NAALADL2: variants seen among roughly 807,000 people sequenced by gnomAD.
The protein encoded by NAALADL2 is inactive N-acetylated-alpha-linked acidic dipeptidase-like protein 2.
Under a neutral mutation model 87.2 loss-of-function variants are expected in NAALADL2, and 76 were observed. That is an observed-to-expected ratio of 0.87 (90% CI 0.72 to 1.05). The LOEUF is 1.05. Among genes scored for constraint, NAALADL2 ranks in the 50% least tolerant of loss-of-function variants. The pLI, the probability that NAALADL2 is intolerant of heterozygous loss-of-function variation, is 0.00. For missense variants in NAALADL2, 1,089 were observed against 945.8 expected, an observed-to-expected ratio of 1.15 and a Z score of -1.99; for synonymous variants, 354 against 331.0, an observed-to-expected ratio of 1.07 and a Z score of -0.75.
chr3:175,253,460 C>T (rs1399952119), intron 3 of NAALADL2, among the ~76,000 whole-genome samples: 1 of 152,160 alleles, frequency 6.6e-6, no homozygotes, highest in Admixed American at 6.6e-5. Context: ...GTCAATGTAC[C>T]TGGTCACCCA....
At position 175,292,906 on chromosome 3, in the gene NAALADL2, A is replaced by G. The variant is rs549473595; in HGVS notation, c.940-31269A>G. The stretch of plus-strand genomic sequence containing the variant: ...CAAAAAATAAGCCGGGCTTGGTGGC[A>G]GGTGCCTGTAGTCCCAGCTACTCGG... On this transcript the variant is annotated intron_variant, in intron 4 of 13. Transcript: ENST00000454872. 2.5e-3 allele frequency among the ~76,000 whole-genome samples: 374 copies of G among 151,802 alleles called. 1 individual carries two copies. The highest frequency in any genetic ancestry group is 8.6e-3 in the African/African-American group (358 of 41,418).
At chr3:175,026,142 T>C (rs186811556) in intron 1 of NAALADL2, among the ~76,000 whole-genome samples, 1 of 152,218 alleles carries the variant, frequency 6.6e-6, no homozygotes, top group East Asian at 1.9e-4. Context: ...AATTATTAAG[T>C]TAACAATAGA....
chr3:174,582,381 A>G (rs556559927), intron 2 of NAALADL2, among the ~76,000 whole-genome samples: 2 of 152,326 alleles, frequency 1.3e-5, no homozygotes, highest in African/African-American at 4.8e-5. Flanking sequence ...CAAAATTTGC[A>G]CACTGTATTA....
chr3:174,492,377 A>G (rs1198135986), intron 1 of NAALADL2, among the ~76,000 whole-genome samples: 1 of 152,184 alleles, frequency 6.6e-6, no homozygotes, highest in Non-Finnish European at 1.5e-5. Context: ...TTCAATGAGA[A>G]TTTTTATAAA....
At chr3:175,794,903 G>A (rs780582717) in intron 13 of NAALADL2, among the ~76,000 whole-genome samples, 1 of 152,196 alleles carries the variant, frequency 6.6e-6, no homozygotes, top group Non-Finnish European at 1.5e-5. Context: ...CTCAGGACTG[G>A]GAAGTTCAAG....
At chr3:174,994,265 C>G (rs1464927385) in intron 1 of NAALADL2, among the ~76,000 whole-genome samples, 3 of 152,090 alleles carry the variant, frequency 2.0e-5, no homozygotes, top group African/African-American at 4.8e-5. Flanking sequence ...AGACTTGATT[C>G]CAATCATGTA....
chr3:175,271,764 C>T (rs868249894), intron 4 of NAALADL2, among the ~76,000 whole-genome samples: 5 of 152,316 alleles, frequency 3.3e-5, no homozygotes, highest in Middle Eastern at 3.4e-3. Flanking sequence ...CACTGCACTC[C>T]TGCCTGGGTG....
intron 3 of NAALADL2, among the ~76,000 whole-genome samples, chr3:174,844,853 T>G (rs1724422141): frequency 7.2e-6 from 1 of 139,354 alleles, no homozygotes; most frequent in Non-Finnish European, 1.5e-5. Flanking sequence ...TTTTTTTTTT[T>G]TTTTTTTTTG....
intron 13 of NAALADL2, among the ~76,000 whole-genome samples, chr3:175,765,782 T>C (rs1251386324): frequency 1.3e-5 from 2 of 152,138 alleles, no homozygotes; most frequent in Non-Finnish European, 2.9e-5. Flanking sequence ...ATGATTTATG[T>C]ATGCCAGGCA....
At chr3:175,174,109 A>G (rs1286712503) in intron 2 of NAALADL2, among the ~76,000 whole-genome samples, 1 of 152,228 alleles carries the variant, frequency 6.6e-6, no homozygotes, top group Non-Finnish European at 1.5e-5. Flanking sequence ...ACACACTCCT[A>G]AATCTCACAA....
chr3:174,986,027 G>A (rs1329028831), intron 1 of NAALADL2, among the ~76,000 whole-genome samples: 2 of 151,894 alleles, frequency 1.3e-5, no homozygotes, highest in Admixed American at 6.6e-5. Context: ...AATTGGTGAC[G>A]ATGACATCTA....
intron 1 of NAALADL2, among the ~76,000 whole-genome samples, chr3:174,977,065 A>G (rs907431862): frequency 6.6e-6 from 1 of 152,142 alleles, no homozygotes; most frequent in Non-Finnish European, 1.5e-5. Context: ...AACCCAGTGG[A>G]TTCTAAGGCC....
intron 5 of NAALADL2, among the ~76,000 whole-genome samples, chr3:175,326,201 C>T (rs1428740255): frequency 1.3e-5 from 2 of 152,204 alleles, no homozygotes; most frequent in East Asian, 3.9e-4. Context: ...AAATTCGTTG[C>T]CACTTTGTAA....
At chr3:174,580,835 C>T (rs1212052510) in intron 2 of NAALADL2, among the ~76,000 whole-genome samples, 1 of 152,096 alleles carries the variant, frequency 6.6e-6, no homozygotes, top group Non-Finnish European at 1.5e-5. Flanking sequence ...TTCCATTTCT[C>T]TCAGGGAGAT....
chr3:175,602,783 A>G (rs1723150499), intron 10 of NAALADL2, among the ~76,000 whole-genome samples: 1 of 152,196 alleles, frequency 6.6e-6, no homozygotes. Context: ...CCAATTATGA[A>G]GAGCTTTAAA....
intron 3 of NAALADL2, among the ~76,000 whole-genome samples, chr3:174,819,815 G>A (rs988843013): frequency 3.3e-5 from 5 of 152,066 alleles, no homozygotes; most frequent in Non-Finnish European, 2.9e-5. Context: ...TAAAGCTTAC[G>A]CTTCAAGACT....
At chr3:175,463,802 T>TA (rs1553901989) in intron 7 of NAALADL2, among the ~76,000 whole-genome samples, 1 of 151,832 alleles carries the variant, frequency 6.6e-6, no homozygotes, top group Non-Finnish European at 1.5e-5. Context: ...TGGCATGTTC[T>TA]AAAAAAGCCA....
intron 10 of NAALADL2, among the ~76,000 whole-genome samples, chr3:175,608,153 AAATT>A (rs113751213): frequency 1.3e-5 from 2 of 150,588 alleles, no homozygotes; most frequent in African/African-American, 4.9e-5. Context: ...ACTAAGTGAG[AAATT>A]AATTAATTAA....
intron 1 of NAALADL2, among the ~76,000 whole-genome samples, chr3:174,999,880 G>A (rs1006991354): frequency 1.3e-4 from 20 of 151,848 alleles, no homozygotes; most frequent in African/African-American, 3.1e-4. Flanking sequence ...CTTTGCAGGC[G>A]GATACAACAA....
Sources: gnomAD v4.1 joint callset for allele counts (sites outside exome capture counted in the v4.1 genomes callset) on GRCh38, gnomAD v4.1.1 for gene constraint, MANE v1.5 for transcripts, NCBI Gene and HGNC (gene_info 2026-07-23, HGNC 2026-07-21) for gene names.